Variants in DNAJC6 observed in about 807,000 individuals in gnomAD.
The protein encoded by DNAJC6 is auxilin.
In DNAJC6, 34 loss-of-function variants were observed where a neutral mutation model predicts 110.0. The observed-to-expected ratio is 0.31, with a 90% CI of 0.24 to 0.41. DNAJC6 has a LOEUF of 0.41. Among genes scored for constraint, DNAJC6 ranks in the 10% least tolerant of loss-of-function variants. DNAJC6 has a pLI of 1.00. For missense variants in DNAJC6, 1,031 were observed against 1,207.8 expected (o/e 0.85, Z 2.17); for synonymous variants, 406 against 437.2 (o/e 0.93, Z 0.89).
chr1:65,279,217 A>G (rs766915767), intron 1 of DNAJC6: 69 of 956,214 alleles, frequency 7.2e-5, no homozygotes, highest in Non-Finnish European at 8.2e-5. Context: ...AGGGGCGGTG[A>G]TGGTGGCGTG....
At chr1:65,314,132 CT>C (rs1288579937) in intron 1 of DNAJC6, among the ~76,000 whole-genome samples, 1 of 151,526 alleles carries the variant, frequency 6.6e-6, no homozygotes, top group Non-Finnish European at 1.5e-5. Flanking sequence ...TTGATTCTCA[CT>C]TTTTAGGCTT....
intron 1 of DNAJC6, among the ~76,000 whole-genome samples, chr1:65,348,673 G>A (rs972178104): frequency 2.6e-5 from 4 of 151,480 alleles, no homozygotes; most frequent in Non-Finnish European, 5.9e-5. Context: ...TACATCTCTT[G>A]TAGACAGCAT....
chr1:65,304,992 A>C (rs1400629616), upstream of DNAJC6, among the ~76,000 whole-genome samples: 1 of 152,268 alleles, frequency 6.6e-6, no homozygotes, highest in Non-Finnish European at 1.5e-5. Flanking sequence ...TGCACTATGT[A>C]TATCTATAGG....
At chr1:65,284,872 G>A (rs927432790) in intron 1 of DNAJC6, among the ~76,000 whole-genome samples, 3 of 151,994 alleles carry the variant, frequency 2.0e-5, no homozygotes, top group African/African-American at 7.2e-5. Context: ...ATTTTCAGTA[G>A]AGATGGGGTT....
chr1:65,273,198 CTT>C (rs571769190), intron 1 of DNAJC6, among the ~76,000 whole-genome samples: 47 of 152,264 alleles, frequency 3.1e-4, no homozygotes, highest in African/African-American at 9.6e-4. Context: ...CTCTTACACT[CTT>C]TGGCTATAAC....
At chr1:65,266,927 C>A (rs1399213429) in intron 1 of DNAJC6, among the ~76,000 whole-genome samples, 1 of 149,806 alleles carries the variant, frequency 6.7e-6, no homozygotes, top group Non-Finnish European at 1.5e-5. Context: ...GATGGAGTCA[C>A]GCCCTGTCGC....
At position 65,413,021 on chromosome 1, in the gene DNAJC6, A is replaced by G. The variant is rs771934240; in HGVS notation, c.2909A>G (p.Tyr970Cys). The G allele has an allele frequency of 6.2e-7, 1 of 1,613,668 alleles. No individual in the cohort carries two copies. Among genetic ancestry groups the G allele is most frequent in the Non-Finnish European group, 8.5e-7 (1 of 1,179,684 alleles). The change falls in exon 19 of 19, where the codon TAT (tyrosine) becomes TGT (cysteine). Residue 970 changes from tyrosine (Y) to cysteine (C), a missense_variant. Physicochemically the swap from Tyr to Cys is radical, Grantham distance 194 (BLOSUM62 -2). Transcript: ENST00000371069. Reference protein sequence around the residue: ...EFENQGQKPLY With the variant: ...EFENQGQKPLC ...GAAAACCAAGGCCAAAAGCCCTTAT[A>G]TTAATTTATGAGCTTTTCCATCTCT...
chr1:65,364,376 C>G (rs1379056286), intron 1 of DNAJC6, among the ~76,000 whole-genome samples: 1 of 152,010 alleles, frequency 6.6e-6, no homozygotes, highest in Non-Finnish European at 1.5e-5. Context: ...AATTGTTACA[C>G]ATGGCTAGTA....
chr1:65,384,210 A>G lies in DNAJC6; in HGVS notation c.684A>G (p.Ser228=). The change falls in exon 6 of 19, where the codon TCA becomes TCG. Residue 228 remains serine, a synonymous_variant. Coordinates refer to ENST00000371069, the MANE Select transcript of DNAJC6 (RefSeq NM_001256864.2). ...TTTGACAGGATGGACGGGCGGCATC[A>G]TCAATTCTGGTTGGTGCTATGTTCA... ...VVHCLDGRAA[S]SILVGAMFIF... 6.5e-7 allele frequency: 1 copy of G among 1,538,124 alleles called. No individual in the cohort carries two copies. The highest frequency in any genetic ancestry group is 1.3e-5 in the South Asian group (1 of 78,302).
chr1:65,382,869 G>C (rs1645836518), intron 5 of DNAJC6, among the ~76,000 whole-genome samples: 1 of 152,214 alleles, frequency 6.6e-6, no homozygotes, highest in African/African-American at 2.4e-5. Flanking sequence ...TGTGCTAAAT[G>C]ATGATGTCTC....
chr1:65,311,865 T>C (rs1279621957), intron 1 of DNAJC6, among the ~76,000 whole-genome samples: 1 of 152,204 alleles, frequency 6.6e-6, no homozygotes, highest in Non-Finnish European at 1.5e-5. Context: ...AAGTTCAACA[T>C]ACATTTTCTG....
At chr1:65,274,272 T>C (rs1427889616) in intron 1 of DNAJC6, among the ~76,000 whole-genome samples, 3 of 152,060 alleles carry the variant, frequency 2.0e-5, no homozygotes, top group African/African-American at 7.2e-5. Flanking sequence ...TGTTAATAGA[T>C]ACATGGTAGA....
chr1:65,368,472 C>A (rs1300562322), intron 4 of DNAJC6, among the ~76,000 whole-genome samples: 1 of 151,956 alleles, frequency 6.6e-6, no homozygotes, highest in African/African-American at 2.4e-5. Flanking sequence ...ATGTCACACA[C>A]CCTTCGTCTC....
At chr1:65,308,247 T>TGA (rs1645062824), upstream of DNAJC6, among the ~76,000 whole-genome samples, 1 of 152,214 alleles carries the variant, frequency 6.6e-6, no homozygotes, top group Non-Finnish European at 1.5e-5. Context: ...AAAGCAAAGC[T>TGA]GGCTTTGTGT....
At chr1:65,284,800 T>A (rs2101201159) in intron 1 of DNAJC6, among the ~76,000 whole-genome samples, 1 of 152,122 alleles carries the variant, frequency 6.6e-6, no homozygotes, top group African/African-American at 2.4e-5. Flanking sequence ...GCAATTCTCC[T>A]GCCTCAGCCT....
chr1:65,339,404 C>T (rs1645367716), intron 1 of DNAJC6, among the ~76,000 whole-genome samples: 1 of 152,140 alleles, frequency 6.6e-6, no homozygotes, highest in Admixed American at 6.5e-5. Context: ...TGTGTGACCT[C>T]TGCAAGAAAG....
intron 1 of DNAJC6, among the ~76,000 whole-genome samples, chr1:65,267,585 G>A (rs917007711): frequency 6.6e-6 from 1 of 151,660 alleles, no homozygotes; most frequent in South Asian, 2.1e-4. Context: ...GTGAGTTTCA[G>A]TCAAAGAAGT....
chr1:65,338,547 A>G lies in DNAJC6; in HGVS notation c.194-26088A>G, dbSNP rs539591813. Among the ~76,000 whole-genome samples the G allele has an allele frequency of 2.0e-5, 3 of 152,286 alleles. No homozygotes were observed. The South Asian group carries it at 6.2e-4, about 32-fold the overall frequency. ...CTTTAAAATTTATGTTTGTAATTAT[A>G]TAGAATATTTACATAGTTTCAAATT... On this transcript the variant is annotated intron_variant, in intron 1 of 18. Coordinates refer to ENST00000371069, the MANE Select transcript of DNAJC6 (RefSeq NM_001256864.2).
At chr1:65,307,931 T>G (rs1441247185), upstream of DNAJC6, among the ~76,000 whole-genome samples, 1 of 152,216 alleles carries the variant, frequency 6.6e-6, no homozygotes, top group Non-Finnish European at 1.5e-5. Flanking sequence ...AGAATGCAGT[T>G]GGGAAAGCAA....
Sources: allele counts gnomAD v4.1 joint callset (sites outside exome capture counted in the v4.1 genomes callset), GRCh38; gene constraint gnomAD v4.1.1; transcripts MANE v1.5; gene names NCBI Gene and HGNC (gene_info 2026-07-23, HGNC 2026-07-21).